SLC27A6: variants seen among roughly 807,000 people sequenced by gnomAD.
SLC27A6 encodes solute carrier family 27 member 6.
A neutral mutation model predicts 63.9 loss-of-function variants in SLC27A6; 74 were observed. The observed-to-expected ratio is 1.16, with a 90% confidence interval of 0.96 to 1.40. The LOEUF is 1.40. Among genes scored for constraint, SLC27A6 ranks in the 40% most tolerant of loss-of-function variants. SLC27A6 has a pLI of 0.00. For synonymous variants in SLC27A6, 287 were observed against 260.8 expected (o/e 1.10, Z -0.97); for missense variants, 794 against 732.9 (o/e 1.08, Z -0.96).
At chr5:129,008,032 C>T (rs900210210) in intron 4 of SLC27A6, among the ~76,000 whole-genome samples, 4 of 151,890 alleles carry the variant, frequency 2.6e-5, no homozygotes, top group African/African-American at 7.3e-5. Context: ...AGATATGTTA[C>T]ATAATATTTA....
At chr5:129,016,108 A>T (rs1751882360) in intron 5 of SLC27A6, 29 bp downstream of exon 5, 1 of 1,506,210 alleles carries the variant, frequency 6.6e-7, no homozygotes, top group Non-Finnish European at 9.0e-7. Context: ...TTATTAAAGA[A>T]ATACATCGGT....
intron 1 of SLC27A6, among the ~76,000 whole-genome samples, chr5:128,983,930 C>T (rs944892825): frequency 2.0e-5 from 3 of 152,126 alleles, no homozygotes; most frequent in Non-Finnish European, 4.4e-5. Context: ...TTGGACTTCC[C>T]TTGCATTAAC....
Position 128,966,638 on chromosome 5 carries a change from C to A in SLC27A6, c.481+20C>A. 2 of 1,470,854 alleles carry A rather than the reference C, an allele frequency of 1.4e-6. No homozygotes were observed. Among genetic ancestry groups the A allele is most frequent in the South Asian group, 3.0e-5 (2 of 66,658 alleles). The allele number at this position is 1,470,854 out of a possible 1,614,324, so 91.1% of individuals were successfully genotyped here. The stretch of plus-strand genomic sequence containing the variant: ...GCGCAGGTAGAGTATGGGGTGTGGT[C>A]TGCCTATACAGAATGGCAGCCCACC... On this transcript the variant is annotated intron_variant, in intron 1 of 9. Transcript: ENST00000262462.
At chr5:128,999,638 G>A (rs1195171088) in intron 4 of SLC27A6, among the ~76,000 whole-genome samples, 1 of 152,104 alleles carries the variant, frequency 6.6e-6, no homozygotes, top group Admixed American at 6.6e-5. Flanking sequence ...CACCCCGCTA[G>A]TTTATTCCTT....
intron 4 of SLC27A6, among the ~76,000 whole-genome samples, chr5:128,996,481 T>C (rs1478783037): frequency 6.6e-6 from 1 of 152,202 alleles, no homozygotes; most frequent in African/African-American, 2.4e-5. Context: ...ATCAGTGTAT[T>C]CATTAAGTAT....
At position 128,987,140 on chromosome 5, in the gene SLC27A6, G is replaced by GTA. The variant is rs2150135041; in HGVS notation, c.686-1454_686-1453dup. Among the ~76,000 whole-genome samples, 7 of 151,946 alleles carry GTA rather than the reference G, an allele frequency of 4.6e-5. 1 individual carries two copies. The highest frequency in any genetic ancestry group is 4.6e-4 in the Admixed American group (7 of 15,252). ...AGAAAGTCTCCCTCCCTATAAATAT[G>GTA]TATATATGTATATAGATAGATATAC... is the stretch of plus-strand genomic sequence containing the variant. On this transcript the variant is annotated intron_variant, in intron 2 of 9. Coordinates refer to ENST00000262462, the MANE Select transcript of SLC27A6 (RefSeq NM_001017372.3).
intron 1 of SLC27A6, among the ~76,000 whole-genome samples, chr5:128,967,140 G>C (rs1223171956): frequency 1.3e-5 from 2 of 152,160 alleles, no homozygotes; most frequent in African/African-American, 4.8e-5. Flanking sequence ...CTGTGAGCCA[G>C]AACGTGGGCT....
rs887409505 is a variant in SLC27A6 at position 128,965,835 on chromosome 5, T to G, written c.-303T>G. 1 of 285,726 alleles carries G rather than the reference T, an allele frequency of 3.5e-6. No individual in the cohort carries two copies. Among genetic ancestry groups the G allele is most frequent in the African/African-American group, 2.2e-5 (1 of 46,088 alleles). The allele number at this position is 285,726 out of a possible 1,614,324, so 17.7% of individuals were successfully genotyped here. On this transcript the variant is annotated 5_prime_UTR_variant, in exon 1 of 10. In the 5' UTR this introduces an upstream ATG that the reference lacks. Coordinates refer to ENST00000262462, the MANE Select transcript of SLC27A6 (RefSeq NM_001017372.3). ...AGGGCGCAGCGCTGGGGTTGTAGATTCCAAGACCCCTGAGGGTGGCTGTGT... is the reference window on the plus strand; with the variant it reads ...AGGGCGCAGCGCTGGGGTTGTAGATGCCAAGACCCCTGAGGGTGGCTGTGT...
chr5:128,972,379 C>G (rs1750204441), intron 1 of SLC27A6, among the ~76,000 whole-genome samples: 1 of 152,116 alleles, frequency 6.6e-6, no homozygotes, highest in African/African-American at 2.4e-5. Flanking sequence ...TTCCATTCTC[C>G]CCATCACTTT....
chr5:128,969,037 T>C (rs190249741), intron 1 of SLC27A6, among the ~76,000 whole-genome samples: 11,547 of 152,222 alleles, frequency 0.076, 1,274 homozygotes, highest in East Asian at 0.56. Flanking sequence ...TCCCCATTTC[T>C]TGTTTTTGTC....
At chr5:128,994,100 G>A (rs75825692) in intron 4 of SLC27A6, among the ~76,000 whole-genome samples, 3,910 of 152,128 alleles carry the variant, frequency 0.026, 156 homozygotes, top group African/African-American at 0.089. Context: ...CCCGTGAGGT[G>A]GAGGTTGTGT....
rs1752312928 is a variant in SLC27A6, at chr5:129,028,359, AT to A, written c.1470del (p.Asn490LysfsTer41). On this transcript the variant is annotated frameshift_variant, in exon 8 of 10. Coordinates refer to ENST00000262462, the MANE Select transcript of SLC27A6 (RefSeq NM_001017372.3). LOFTEE classifies it high-confidence loss of function. ...TTTTCATTTAGATGGAAAGGAGAAA[AT>A]GTCGCAACCACTGAGGTTGCTGATG... Reference protein sequence around the residue: ...TGDTFRWKGENVATTEVADVI... With the variant: ...TGDTFRWKGEXVATTEVADVI... 1 of 1,608,770 alleles carries A rather than the reference AT, an allele frequency of 6.2e-7. No individual in the cohort carries two copies. The highest frequency in any genetic ancestry group is 1.7e-5 in the Admixed American group (1 of 59,770).
At chr5:129,023,959 AT>A (rs920624032) in intron 6 of SLC27A6, among the ~76,000 whole-genome samples, 4 of 152,072 alleles carry the variant, frequency 2.6e-5, no homozygotes, top group East Asian at 3.9e-4. Flanking sequence ...GTCGTATGGT[AT>A]TTTTTATTTA....
Position 129,016,012 on chromosome 5 carries a change from C to G in SLC27A6, c.1097C>G (p.Ser366Ter). 1 of 1,606,966 alleles carries G rather than the reference C, an allele frequency of 6.2e-7. No individual in the cohort carries two copies. The highest frequency in any genetic ancestry group is 8.5e-7 in the Non-Finnish European group (1 of 1,178,178). ...KVCELYAATE[S>*]SISFMNYTGR... Reference sequence around the variant, plus strand: ...TGTGAACTTTATGCAGCTACCGAATCAAGCATATCTTTCATGAACTACACT... The same window carrying G: ...TGTGAACTTTATGCAGCTACCGAATGAAGCATATCTTTCATGAACTACACT... The change falls in exon 5 of 10, where the codon TCA becomes TGA. Residue 366 changes from serine (S) to a stop codon, truncating the protein, a stop_gained. Coordinates refer to ENST00000262462, the MANE Select transcript of SLC27A6 (RefSeq NM_001017372.3). LOFTEE classifies it high-confidence loss of function.
At chr5:129,026,316 C>G (rs1202950017) in intron 6 of SLC27A6, among the ~76,000 whole-genome samples, 1 of 152,104 alleles carries the variant, frequency 6.6e-6, no homozygotes, top group Non-Finnish European at 1.5e-5. Flanking sequence ...TTAGAAGTAG[C>G]TTTTACCTTG....
intron 4 of SLC27A6, among the ~76,000 whole-genome samples, chr5:128,990,857 G>A (rs943023250): frequency 5.9e-5 from 9 of 152,198 alleles, no homozygotes; most frequent in South Asian, 4.1e-4. Flanking sequence ...GATTGGGAGC[G>A]GCAATGGGCA....
intron 9 of SLC27A6, among the ~76,000 whole-genome samples, chr5:129,030,562 T>TAA (rs1752385703): frequency 6.6e-6 from 1 of 152,172 alleles, no homozygotes; most frequent in Non-Finnish European, 1.5e-5. Context: ...CTTTTTGATT[T>TAA]TGAGTTTTTA....
chr5:129,006,071 GTT>G (rs4068575), intron 4 of SLC27A6, among the ~76,000 whole-genome samples: 58 of 60,134 alleles, frequency 9.6e-4, no homozygotes, highest in African/African-American at 4.3e-3. Flanking sequence ...TGTGCACACT[GTT>G]TTTTTTTTTT....
At chr5:129,027,007 T>A in intron 6 of SLC27A6, 126 bp from the exon 7 acceptor site, 1 of 720,326 alleles carries the variant, frequency 1.4e-6, no homozygotes, top group South Asian at 1.8e-5. Context: ...AATACAGAAA[T>A]AGGTTCAGAG....
Sources: allele counts gnomAD v4.1 joint callset (sites outside exome capture counted in the v4.1 genomes callset), GRCh38; gene constraint gnomAD v4.1.1; transcripts MANE v1.5; gene names NCBI Gene and HGNC (gene_info 2026-07-23, HGNC 2026-07-21).